Variants in RPUSD3 observed in about 807,000 individuals in gnomAD.
The protein encoded by RPUSD3 is mitochondrial mRNA pseudouridine synthase RPUSD3.
A neutral mutation model predicts 35.1 loss-of-function variants in RPUSD3; 36 were observed. The observed-to-expected ratio is 1.02, with a 90% CI of 0.79 to 1.35. The LOEUF is 1.35. RPUSD3 is among the 40% of genes most tolerant of loss of function. The pLI is 0.00. For missense variants in RPUSD3, 486 were observed against 441.9 expected, an observed-to-expected ratio of 1.10 and a Z score of -0.89; for synonymous variants, 202 against 187.8, an observed-to-expected ratio of 1.08 and a Z score of -0.62.
intron 4 of RPUSD3, 107 bp from the exon 5 acceptor site, chr3:9,840,912 G>T: frequency 1.4e-6 from 1 of 714,522 alleles, no homozygotes; most frequent in Admixed American, 2.8e-5. Flanking sequence ...CTAACACCAG[G>T]ACTATAACCT....
rs1195083859 is a variant in RPUSD3, at chr3:9,843,687, G to A, written c.126-86C>T. The A allele has an allele frequency of 3.8e-6, 6 of 1,561,748 alleles. No homozygotes were observed. In the South Asian group the frequency reaches 4.7e-5, roughly 12 times the overall value. ...CTCCGGACGCCTCTTCCCAAATCCT[G>A]CGGCCTCTGACAAATGCCTCACAAT... On this transcript the variant is annotated intron_variant, in intron 1 of 8. Coordinates refer to ENST00000383820, the Ensembl canonical transcript of RPUSD3.
exon 7 of RPUSD3, chr3:9,840,301 G>C: frequency 4.3e-6 from 7 of 1,614,090 alleles, no homozygotes; most frequent in East Asian, 2.2e-5. Context: ...GCCTTCACTG[G>C]AACTGTCTGT....
chr3:9,838,563 C>T (rs2082058144), intron 8 of RPUSD3, among the ~76,000 whole-genome samples: 1 of 152,180 alleles, frequency 6.6e-6, no homozygotes, highest in Non-Finnish European at 1.5e-5. Context: ...CTTGAACCTA[C>T]ACTGTCTCCC....
intron 4 of RPUSD3, 63 bp from the exon 5 acceptor site, chr3:9,840,868 C>A (rs2082093975): frequency 7.9e-7 from 1 of 1,263,970 alleles, no homozygotes. Flanking sequence ...AAAAAGGAAA[C>A]TCTTAGGAAC....
intron 2 of RPUSD3, 165 bp downstream of exon 2, chr3:9,843,300 A>T: frequency 1.1e-6 from 1 of 882,054 alleles, no homozygotes; most frequent in Non-Finnish European, 1.8e-6. Context: ...TCATGGCAGT[A>T]GGGTTAAAAG....
intron 2 of RPUSD3, 75 bp from the exon 3 acceptor site, chr3:9,842,318 A>G: frequency 7.0e-7 from 1 of 1,420,462 alleles, no homozygotes; most frequent in Non-Finnish European, 1.0e-6. Flanking sequence ...TTTCCAGAGC[A>G]CTTTCTCACG....
chr3:9,840,389 G>A (rs527707913), intron 6 of RPUSD3, 82 bp from the exon 7 acceptor site: 446 of 1,612,402 alleles, frequency 2.8e-4, no homozygotes, highest in Admixed American at 8.3e-4. Context: ...AATAGACTCC[G>A]GGCAGGGCCA....
exon 9 of RPUSD3, chr3:9,837,994 G>A (rs771481596): frequency 7.5e-5 from 116 of 1,539,422 alleles, no homozygotes; most frequent in Non-Finnish European, 9.3e-5. Context: ...TGTGTGTGAG[G>A]GGGTCAGGAA....
exon 8 of RPUSD3, chr3:9,839,118 C>T (rs142984515): frequency 2.0e-4 from 317 of 1,614,026 alleles, no homozygotes; most frequent in Non-Finnish European, 2.4e-4. Context: ...ATGTGGTCCC[C>T]AAGCACAGGG....
intron 4 of RPUSD3, chr3:9,841,102 T>G (rs1382817546): frequency 4.8e-6 from 1 of 206,596 alleles, no homozygotes; most frequent in Non-Finnish European, 9.7e-6. Context: ...TTAAATAAGT[T>G]CTCTACAAAA....
chr3:9,839,298 C>T (rs762601577), intron 7 of RPUSD3, 127 bp from the exon 8 acceptor site: 10 of 1,048,618 alleles, frequency 9.5e-6, no homozygotes, highest in Non-Finnish European at 1.2e-5. Flanking sequence ...TCAGTGAGGT[C>T]AGTACTATGG....
Position 9,843,435 on chromosome 3 carries a change from C to G in RPUSD3, c.262+30G>C, listed in dbSNP as rs201826186. The G allele has an allele frequency of 1.3e-5, 21 of 1,612,488 alleles. No homozygotes were observed. The East Asian group carries it at 4.5e-4, about 34-fold the overall frequency. On this transcript the variant is annotated intron_variant, in intron 2 of 8. Transcript: ENST00000383820. ...CACGCCGAGGCAGTCCCCTCCCGGT[C>G]CTTGTGCGGCCGTGCCTCTCACCCC...
exon 8 of RPUSD3, chr3:9,839,078 C>T: frequency 6.2e-7 from 1 of 1,614,228 alleles, no homozygotes; most frequent in Non-Finnish European, 8.5e-7. Context: ...AAATCGCTGG[C>T]CCAGGACAGT....
At chr3:9,839,423 C>T in intron 7 of RPUSD3, 1 of 391,340 alleles carries the variant, frequency 2.6e-6, no homozygotes, top group Non-Finnish European at 4.6e-6. Context: ...GCTGAAGCCA[C>T]CGGGCCTAAG....
chr3:9,840,625 G>C lies in RPUSD3; in HGVS notation c.516-9C>G. 2 of 1,613,324 alleles carry C rather than the reference G, an allele frequency of 1.2e-6. No individual in the cohort carries two copies. Among genetic ancestry groups the C allele is most frequent in the East Asian group, 4.5e-5 (2 of 44,868 alleles). On this transcript the variant is annotated splice_polypyrimidine_tract_variant and intron_variant, in intron 5 of 8. Transcript: ENST00000383820. Reference sequence around the variant, plus strand: ...TCCCATCAGTGACAGCACTGAGAAAGGGGCAGGAGGAGGTCACAGGGTGGC... The same window carrying C: ...TCCCATCAGTGACAGCACTGAGAAACGGGCAGGAGGAGGTCACAGGGTGGC...
At chr3:9,839,044 CTTG>C (rs752940357) in exon 8 of RPUSD3, 143 of 1,614,046 alleles carry the variant, frequency 8.9e-5, no homozygotes, top group Admixed American at 4.5e-4. Context: ...GTCTTTGGGG[CTTG>C]TTGTTCTCAG....
chr3:9,841,390 T>C (rs1342693667), intron 4 of RPUSD3: 1 of 154,388 alleles, frequency 6.5e-6, no homozygotes, highest in Non-Finnish European at 1.4e-5. Context: ...TCTCAGCTTA[T>C]TGCAGCTGCC....
rs1252016153 is a variant in RPUSD3, at chr3:9,837,987, G to A, written c.*29C>T. On this transcript the variant is annotated 3_prime_UTR_variant, in exon 9 of 9. Transcript: ENST00000383820. ...AGCCCCCACCCTCACTTTCCAGTGT[G>A]TGTGAGGGGGTCAGGAACAGAGGGA... The A allele has an allele frequency of 2.6e-6, 4 of 1,534,448 alleles. No homozygotes were observed. The South Asian group carries it at 4.8e-5, about 19-fold the overall frequency.
Position 9,840,539 on chromosome 3 carries a change from A to AC in RPUSD3, c.592dup (p.Val198GlyfsTer84). Reference sequence around the variant, plus strand: ...TCCCAGACCCGGACTCACGAGATTGACCCCATCAATGTGTTCCAGTTTCAG... The same window carrying AC: ...TCCCAGACCCGGACTCACGAGATTGACCCCCATCAATGTGTTCCAGTTTCAG... On this transcript the variant is annotated frameshift_variant, in exon 6 of 9. Coordinates refer to ENST00000383820, the Ensembl canonical transcript of RPUSD3. LOFTEE classifies it high-confidence loss of function. 1 of 1,613,884 alleles carries AC rather than the reference A, an allele frequency of 6.2e-7. No individual in the cohort carries two copies. Among genetic ancestry groups the AC allele is most frequent in the Non-Finnish European group, 8.5e-7 (1 of 1,179,930 alleles).
Sources: allele counts gnomAD v4.1 joint callset (sites outside exome capture counted in the v4.1 genomes callset), GRCh38; gene constraint gnomAD v4.1.1; transcripts MANE v1.5; gene names NCBI Gene and HGNC (gene_info 2026-07-23, HGNC 2026-07-21).